The following TSPAN1 variants were observed in gnomAD, a reference collection of about 807,000 sequenced individuals.
TSPAN1 encodes the protein tetraspanin-1.
Under a neutral mutation model 26.9 loss-of-function variants are expected in TSPAN1, and 23 were observed. The ratio of observed to expected loss-of-function variants is 0.85; its 90% confidence interval spans 0.62 to 1.21. The LOEUF is 1.21. Ranked by LOEUF, TSPAN1 falls within the 50% of genes most tolerant of loss-of-function variation. The pLI is 0.00. For missense variants in TSPAN1, 283 were observed against 298.4 expected (o/e 0.95, Z 0.38); for synonymous variants, 115 against 114.8 (o/e 1.00, Z -0.01).
chr1:46,192,039 C>T, the TSPAN1 span: 2 of 1,553,620 alleles, frequency 1.3e-6, no homozygotes, highest in African/African-American at 2.7e-5. Context: ...CTTCAGAGTC[C>T]ATGTTCTTGT....
intron 3 of TSPAN1, chr1:46,183,335 C>A (rs972400981): frequency 2.0e-5 from 3 of 152,266 alleles, no homozygotes; most frequent in Non-Finnish European, 4.4e-5. Context: ...CTTGGGCAAA[C>A]ATGCCTGGAA....
chr1:46,194,988 C>G, the TSPAN1 span: 6 of 1,609,492 alleles, frequency 3.7e-6, no homozygotes, highest in Non-Finnish European at 5.1e-6. Flanking sequence ...GGCAGTTAGC[C>G]TGACTGGCAT....
the TSPAN1 span, chr1:46,195,063 A>C: frequency 6.5e-5 from 64 of 991,914 alleles, no homozygotes; most frequent in Non-Finnish European, 9.8e-5. Context: ...AAAATAGCTC[A>C]TTACATTATT....
downstream of TSPAN1, chr1:46,190,516 G>A: frequency 1.2e-6 from 2 of 1,604,518 alleles, no homozygotes; most frequent in South Asian, 2.2e-5. Context: ...TCTTTCTTCA[G>A]ACTGAAGAGG....
At chr1:46,186,782 C>T (rs995891721), downstream of TSPAN1, among the ~76,000 whole-genome samples, 1 of 151,676 alleles carries the variant, frequency 6.6e-6, no homozygotes, top group Non-Finnish European at 1.5e-5. Flanking sequence ...CCTGCCTCAG[C>T]CTCCCGAGTA....
chr1:46,185,308 G>A lies in TSPAN1; in HGVS notation c.678G>A (p.Glu226=). The change falls in exon 8 of 9, where the codon GAG becomes GAA. Residue 226 remains glutamate (E), a splice_region_variant and synonymous_variant. Coordinates refer to ENST00000372003, the MANE Select transcript of TSPAN1 (RefSeq NM_005727.4). The stretch of plus-strand genomic sequence containing the variant: ...TGGCAGCTGGAATTGGGGGCCTCGA[G>A]GTAAGCAGATGAGGAGGCTGGGACT... ...GGVAAGIGGL[E]LAAMIVSMYL... 1 of 1,614,034 alleles carries A rather than the reference G, an allele frequency of 6.2e-7. No individual in the cohort carries two copies.
downstream of TSPAN1, among the ~76,000 whole-genome samples, chr1:46,186,442 G>C (rs1373466561): frequency 2.0e-5 from 3 of 151,428 alleles, no homozygotes; most frequent in Non-Finnish European, 4.4e-5. Context: ...CGTTGCTGCT[G>C]GCCTACCTGG....
intron 1 of TSPAN1, chr1:46,176,360 T>A (rs1476587910): frequency 1.3e-6 from 2 of 1,535,646 alleles, no homozygotes; most frequent in African/African-American, 2.7e-5. Context: ...CTTCTGCGGC[T>A]ACACTTGAAC....
At chr1:46,190,532 G>A, downstream of TSPAN1, 1 of 1,599,828 alleles carries the variant, frequency 6.3e-7, no homozygotes, top group Non-Finnish European at 8.6e-7. Context: ...AGAGGAGGGA[G>A]AAATGGGTCA....
chr1:46,189,925 C>T (rs777214318), downstream of TSPAN1: 1 of 1,614,006 alleles, frequency 6.2e-7, no homozygotes, highest in Non-Finnish European at 8.5e-7. Context: ...TAGGTGTGGC[C>T]CTCTGTGTCT....
At chr1:46,193,592 A>G in the TSPAN1 span, 2 of 1,614,024 alleles carry the variant, frequency 1.2e-6, no homozygotes, top group Non-Finnish European at 1.7e-6. Flanking sequence ...GAAAACTGTT[A>G]TCATCTGAGG....
At chr1:46,176,103 C>T in intron 1 of TSPAN1, 3 of 1,049,050 alleles carry the variant, frequency 2.9e-6, no homozygotes, top group Non-Finnish European at 4.1e-6. Flanking sequence ...TCTCGATCTC[C>T]TGACCTTGTG....
In TSPAN1 at chr1:46,177,349, A is replaced by ATC. The variant is rs1557663267; in HGVS notation, c.-142+1941_-142+1942insCT. 3.7e-3 allele frequency among the ~76,000 whole-genome samples: 341 copies of ATC among 91,662 alleles called. 1 individual carries two copies. Among genetic ancestry groups the ATC allele is most frequent in the Non-Finnish European group, 5.3e-3 (248 of 46,786 alleles). 60.1% of individuals were successfully genotyped at this position (91,662 alleles called of 152,430 possible). A position where few individuals can be genotyped will look rare whatever the true frequency, so the allele number is the denominator to read the frequency against. Reference sequence around the variant, plus strand: ...AAACTCTGTCTCAAAAAAAAAAAAAATATATCTATCTATCTATCTATCTAT... The same window carrying ATC: ...AAACTCTGTCTCAAAAAAAAAAAAAATCTATATCTATCTATCTATCTATCTAT... On this transcript the variant is annotated intron_variant, in intron 1 of 8. Transcript: ENST00000372003.
chr1:46,193,213 G>A, the TSPAN1 span: 1 of 1,614,238 alleles, frequency 6.2e-7, no homozygotes, highest in East Asian at 2.2e-5. Context: ...TGGCCTTGTA[G>A]TGCTGGGAGT....
At chr1:46,193,354 C>T in the TSPAN1 span, 1 of 1,613,390 alleles carries the variant, frequency 6.2e-7, no homozygotes, top group Non-Finnish European at 8.5e-7. Context: ...CTGGATGCCC[C>T]TCAGACCAAA....
the TSPAN1 span, chr1:46,192,609 A>G: frequency 6.2e-7 from 1 of 1,613,516 alleles, no homozygotes; most frequent in Non-Finnish European, 8.5e-7. Context: ...GGCAGGGTCA[A>G]AGAGTTCAGG....
chr1:46,188,908 CAGGCCCTCCAGGTTCGGCCTGTTTTCA>C (rs754791169), downstream of TSPAN1: 3 of 1,612,718 alleles, frequency 1.9e-6, no homozygotes, highest in African/African-American at 4.0e-5. Context: ...AAAAGAAATC[CAGGCCCTCCAGGTTCGGCCTGTTTTCA>C]AGGCCCTCAG....
the TSPAN1 span, chr1:46,193,832 G>T: frequency 6.2e-7 from 1 of 1,613,582 alleles, no homozygotes; most frequent in South Asian, 1.1e-5. Flanking sequence ...TCAGTGCTGG[G>T]TATAGCCCAT....
intron 1 of TSPAN1, among the ~76,000 whole-genome samples, chr1:46,179,993 G>T (rs1043570859): frequency 6.6e-6 from 1 of 151,952 alleles, no homozygotes. Flanking sequence ...GTGTGTTTGT[G>T]TGTGTGTGTG....
Sources: allele counts gnomAD v4.1 joint callset (sites outside exome capture counted in the v4.1 genomes callset), GRCh38; gene constraint gnomAD v4.1.1; transcripts MANE v1.5; gene names NCBI Gene and HGNC (gene_info 2026-07-23, HGNC 2026-07-21).